MSI2: variants seen among roughly 807,000 people sequenced by gnomAD.
MSI2 encodes the protein musashi RNA binding protein 2.
MSI2 carries 17 observed loss-of-function variants against 45.6 expected under a neutral mutation model. That is an observed-to-expected ratio of 0.37 (90% CI 0.26 to 0.56). The LOEUF (loss-of-function observed/expected upper bound fraction) is 0.56. Among genes scored for constraint, MSI2 ranks in the 20% least tolerant of loss-of-function variants. The pLI is 0.77. For missense variants in MSI2, 293 were observed against 444.2 expected (o/e 0.66, Z 3.06); for synonymous variants, 156 against 158.2 (o/e 0.99, Z 0.11).
intron 6 of MSI2, among the ~76,000 whole-genome samples, chr17:57,499,237 G>A (rs1208194345): frequency 1.3e-5 from 2 of 151,888 alleles, no homozygotes; most frequent in South Asian, 4.2e-4. Context: ...TTAGCCAGGT[G>A]TGGTGGTGCA....
intron 6 of MSI2, chr17:57,448,666 C>A (rs1470826750): frequency 6.6e-6 from 1 of 152,276 alleles, no homozygotes; most frequent in African/African-American, 2.4e-5. Flanking sequence ...GGTTCCTGGG[C>A]CTCCCTTCCA....
At chr17:57,590,721 G>A (rs973473430) in intron 7 of MSI2, among the ~76,000 whole-genome samples, 6 of 152,168 alleles carry the variant, frequency 3.9e-5, no homozygotes, top group East Asian at 1.9e-4. Flanking sequence ...AGTGTGGGGT[G>A]CAGTTAAGGT....
At chr17:57,572,106 C>A (rs1282623369) in intron 7 of MSI2, among the ~76,000 whole-genome samples, 3 of 152,182 alleles carry the variant, frequency 2.0e-5, no homozygotes. Flanking sequence ...GGACAGGTGA[C>A]CCTGACAGGT....
chr17:57,648,585 G>T (rs1365900904), intron 10 of MSI2, among the ~76,000 whole-genome samples: 4 of 152,152 alleles, frequency 2.6e-5, no homozygotes, highest in Non-Finnish European at 5.9e-5. Flanking sequence ...GCTATGTTGA[G>T]GAGGGACCCC....
intron 6 of MSI2, among the ~76,000 whole-genome samples, chr17:57,499,880 C>G (rs4793550): frequency 0.63 from 95,277 of 152,108 alleles, 30,678 homozygotes; most frequent in Non-Finnish European, 0.69. Context: ...AGTCAAACTC[C>G]TTGTACAGAA....
At chr17:57,589,377 G>T (rs1043901824) in intron 7 of MSI2, among the ~76,000 whole-genome samples, 3 of 152,186 alleles carry the variant, frequency 2.0e-5, no homozygotes, top group Non-Finnish European at 2.9e-5. Context: ...CAAAGCCAAG[G>T]CATGTGATGC....
chr17:57,357,883 T>C lies in MSI2; in HGVS notation c.313-43496T>C, dbSNP rs570759483. 7.9e-5 allele frequency among the ~76,000 whole-genome samples: 12 copies of C among 152,354 alleles called. No individual in the cohort carries two copies. The East Asian group carries it at 2.3e-3, about 29-fold the overall frequency. On this transcript the variant is annotated intron_variant, in intron 5 of 13. Transcript: ENST00000284073. ...AAGGTGCTCTGTTGTTTCTCTTGAC[T>C]GAGTCTTTGCCCTTACCTTTGACCT...
At position 57,478,968 on chromosome 17, in the gene MSI2, G is replaced by A. The variant is rs574796822; in HGVS notation, c.406-50708G>A. The stretch of plus-strand genomic sequence containing the variant: ...TGTGCTAATGCCTTCCTATGCACTG[G>A]GGTGGAAAACAGAACTCCAGCCTTC... On this transcript the variant is annotated intron_variant, in intron 6 of 13. Coordinates refer to ENST00000284073, the MANE Select transcript of MSI2 (RefSeq NM_138962.4). Among the ~76,000 whole-genome samples the A allele has an allele frequency of 2.6e-4, 40 of 152,200 alleles. No homozygotes were observed. The South Asian group carries it at 8.3e-3, about 32-fold the overall frequency.
intron 5 of MSI2, among the ~76,000 whole-genome samples, chr17:57,371,555 AC>A (rs2083421690): frequency 6.5e-5 from 1 of 15,406 alleles, no homozygotes; most frequent in Non-Finnish European, 1.4e-4. Flanking sequence ...AGGTATACAC[AC>A]ACACACACAC....
chr17:57,421,999 T>C (rs550768905), intron 6 of MSI2, among the ~76,000 whole-genome samples: 1 of 152,296 alleles, frequency 6.6e-6, no homozygotes, highest in South Asian at 2.1e-4. Flanking sequence ...TTTAATACTA[T>C]CAAATGTTAC....
chr17:57,409,799 G>A (rs1207851569), intron 6 of MSI2, among the ~76,000 whole-genome samples: 1 of 152,018 alleles, frequency 6.6e-6, no homozygotes, highest in East Asian at 1.9e-4. Context: ...ATGAGGTCAG[G>A]AGTTCGAGAC....
intron 6 of MSI2, among the ~76,000 whole-genome samples, chr17:57,494,544 A>C (rs1206236064): frequency 6.6e-6 from 1 of 152,200 alleles, no homozygotes; most frequent in Non-Finnish European, 1.5e-5. Flanking sequence ...TGAAAATTGC[A>C]TCTTTAGCCT....
At chr17:57,350,387 A>G (rs759830009) in intron 5 of MSI2, among the ~76,000 whole-genome samples, 5 of 152,186 alleles carry the variant, frequency 3.3e-5, no homozygotes, top group Non-Finnish European at 4.4e-5. Context: ...ATGAATGCCA[A>G]TTTTCGGTTT....
At chr17:57,555,002 T>C (rs542135861) in intron 7 of MSI2, among the ~76,000 whole-genome samples, 2 of 152,348 alleles carry the variant, frequency 1.3e-5, no homozygotes, top group African/African-American at 4.8e-5. Flanking sequence ...TCCCTTGTGT[T>C]TGGGCACTCG....
intron 11 of MSI2, among the ~76,000 whole-genome samples, chr17:57,660,782 G>T (rs1911935276): frequency 6.6e-6 from 1 of 152,212 alleles, no homozygotes; most frequent in Admixed American, 6.5e-5. Flanking sequence ...GAGTGAGGTG[G>T]AGGCCCTGCT....
At chr17:57,617,127 G>A (rs1907791058) in intron 9 of MSI2, among the ~76,000 whole-genome samples, 1 of 152,146 alleles carries the variant, frequency 6.6e-6, no homozygotes, top group African/African-American at 2.4e-5. Context: ...GTATCTACTT[G>A]TCTGAGGAAA....
chr17:57,450,708 G>A (rs2085002750), intron 6 of MSI2, among the ~76,000 whole-genome samples: 1 of 143,060 alleles, frequency 7.0e-6, no homozygotes, highest in Non-Finnish European at 1.5e-5. Flanking sequence ...GGTGAGTAAA[G>A]GCAAAAGTCC....
intron 5 of MSI2, among the ~76,000 whole-genome samples, chr17:57,263,247 A>T (rs1013424543): frequency 5.3e-5 from 8 of 152,118 alleles, no homozygotes; most frequent in Admixed American, 5.2e-4. Flanking sequence ...TGATTGATTG[A>T]TTCCTTCCTT....
chr17:57,358,877 C>T (rs778728336), intron 5 of MSI2, among the ~76,000 whole-genome samples: 18 of 152,142 alleles, frequency 1.2e-4, no homozygotes, highest in African/African-American at 2.9e-4. Flanking sequence ...GCCCTAGCAA[C>T]GTATCATCTT....
Sources: gnomAD v4.1 joint callset for allele counts (sites outside exome capture counted in the v4.1 genomes callset) on GRCh38, gnomAD v4.1.1 for gene constraint, MANE v1.5 for transcripts, NCBI Gene and HGNC (gene_info 2026-07-23, HGNC 2026-07-21) for gene names.